The following TRAPPC9 variants were observed in gnomAD, a reference collection of about 807,000 sequenced individuals.
The protein encoded by TRAPPC9 is trafficking protein particle complex subunit 9, also known as IKK2 binding protein.
A neutral mutation model predicts 124.0 loss-of-function variants in TRAPPC9; 83 were observed. The ratio of observed to expected loss-of-function variants is 0.67; its 90% CI spans 0.56 to 0.80. TRAPPC9 has a LOEUF of 0.80. Ranked by LOEUF, TRAPPC9 falls within the 30% of genes least tolerant of loss-of-function variation. TRAPPC9 has a pLI of 0.00. For missense variants in TRAPPC9, 1,302 were observed against 1,508.3 expected (o/e 0.86, Z 2.27); for synonymous variants, 638 against 617.5 (o/e 1.03, Z -0.49).
At chr8:140,237,514 T>C (rs1336792577) in intron 16 of TRAPPC9, among the ~76,000 whole-genome samples, 1 of 151,938 alleles carries the variant, frequency 6.6e-6, no homozygotes, top group African/African-American at 2.4e-5. Flanking sequence ...TCTCCAAATT[T>C]AGGACTAGGA....
At chr8:140,096,866 T>G (rs1179886947) in intron 17 of TRAPPC9, 1 of 151,970 alleles carries the variant, frequency 6.6e-6, no homozygotes, top group African/African-American at 2.4e-5. Context: ...AGAGGAGGAC[T>G]AGGACAGGGA....
intron 8 of TRAPPC9, among the ~76,000 whole-genome samples, chr8:140,365,192 T>C (rs2068073582): frequency 6.6e-6 from 1 of 151,958 alleles, no homozygotes; most frequent in Admixed American, 6.6e-5. Context: ...AATTCAATCC[T>C]TACAACCTCT....
intron 6 of TRAPPC9, among the ~76,000 whole-genome samples, chr8:140,399,958 CT>C (rs1180615976): frequency 6.6e-6 from 1 of 152,170 alleles, no homozygotes; most frequent in Non-Finnish European, 1.5e-5. Flanking sequence ...TTCCCCCATA[CT>C]GTTCTTGTGG....
intron 11 of TRAPPC9, among the ~76,000 whole-genome samples, chr8:140,299,357 C>T (rs566337905): frequency 3.3e-5 from 5 of 152,052 alleles, no homozygotes; most frequent in Admixed American, 1.3e-4. Flanking sequence ...GGTGAGCTTG[C>T]GAGTGCAACA....
At chr8:140,229,684 A>G (rs976361271) in intron 16 of TRAPPC9, among the ~76,000 whole-genome samples, 1 of 151,992 alleles carries the variant, frequency 6.6e-6, no homozygotes, top group African/African-American at 2.4e-5. Context: ...TGGCCTCCCA[A>G]GTGGCTGCGA....
chr8:139,985,400 T>C (rs1837180056), intron 19 of TRAPPC9, among the ~76,000 whole-genome samples: 1 of 152,230 alleles, frequency 6.6e-6, no homozygotes, highest in South Asian at 2.1e-4. Flanking sequence ...CAGTTCCCTA[T>C]GCAGCAGCAC....
intron 17 of TRAPPC9, among the ~76,000 whole-genome samples, chr8:140,214,551 T>C (rs940452599): frequency 1.6e-4 from 25 of 152,362 alleles, no homozygotes; most frequent in Admixed American, 9.8e-4. Context: ...TCCAACCTTC[T>C]TTCTTTCCCC....
intron 19 of TRAPPC9, chr8:139,932,282 C>T (rs1376033001): frequency 2.2e-6 from 1 of 457,194 alleles, no homozygotes; most frequent in Non-Finnish European, 4.4e-6. Context: ...TCAGGGTAGC[C>T]ACCATGGGAG....
At chr8:139,836,903 T>G (rs928210536) in intron 21 of TRAPPC9, among the ~76,000 whole-genome samples, 4 of 151,930 alleles carry the variant, frequency 2.6e-5, no homozygotes, top group African/African-American at 9.7e-5. Context: ...CAGAAAGGCT[T>G]GATGTGAACG....
chr8:140,383,690 G>C (rs1188895826), intron 7 of TRAPPC9, among the ~76,000 whole-genome samples: 1 of 152,182 alleles, frequency 6.6e-6, no homozygotes, highest in East Asian at 1.9e-4. Context: ...CGTTTGATTG[G>C]TGTACCTGAA....
At position 140,037,909 on chromosome 8, in the gene TRAPPC9, CA is replaced by C. The variant is rs1461712203; in HGVS notation, c.2557-13831del. Among the ~76,000 whole-genome samples the C allele has an allele frequency of 8.1e-4, 116 of 142,694 alleles. 1 individual carries two copies. The highest frequency in any genetic ancestry group is 2.6e-3 in the African/African-American group (106 of 40,308). 93.6% of individuals were successfully genotyped at this position (142,694 alleles called of 152,430 possible). A position where few individuals can be genotyped will look rare whatever the true frequency, so the allele number is the denominator to read the frequency against. The stretch of plus-strand genomic sequence containing the variant: ...ACACACACACACACACACACACACA[CA>C]CCCCAGAGCTTCCCTCGTGCTGCAT... On this transcript the variant is annotated intron_variant, in intron 17 of 22. Coordinates refer to ENST00000438773, the MANE Select transcript of TRAPPC9 (RefSeq NM_001160372.4).
chr8:140,236,618 C>T (rs1273258648), intron 16 of TRAPPC9, among the ~76,000 whole-genome samples: 1 of 151,992 alleles, frequency 6.6e-6, no homozygotes, highest in African/African-American at 2.4e-5. Flanking sequence ...GTAAGTTACA[C>T]TTCCATAAAA....
At chr8:139,734,306 C>T (rs1033214216) in intron 21 of TRAPPC9, among the ~76,000 whole-genome samples, 7 of 152,310 alleles carry the variant, frequency 4.6e-5, no homozygotes, top group Middle Eastern at 3.4e-3. Context: ...CCAGTGCGTC[C>T]TTATTTTCTC....
At chr8:139,803,782 G>GT (rs1212969264) in intron 21 of TRAPPC9, among the ~76,000 whole-genome samples, 1 of 152,194 alleles carries the variant, frequency 6.6e-6, no homozygotes, top group Non-Finnish European at 1.5e-5. Flanking sequence ...ACGCTGTCTA[G>GT]TTTCTTTTCT....
intron 17 of TRAPPC9, among the ~76,000 whole-genome samples, chr8:140,218,765 GC>G (rs538909145): frequency 6.6e-6 from 1 of 152,076 alleles, no homozygotes; most frequent in Non-Finnish European, 1.5e-5. Context: ...TTCGAGACCA[GC>G]CTGGTCAACA....
intron 21 of TRAPPC9, among the ~76,000 whole-genome samples, chr8:139,746,602 T>C (rs1278125373): frequency 6.6e-6 from 1 of 152,216 alleles, no homozygotes; most frequent in Non-Finnish European, 1.5e-5. Context: ...CTGTGGAGCC[T>C]GGGTCCCCAG....
intron 17 of TRAPPC9, among the ~76,000 whole-genome samples, chr8:140,192,249 C>T (rs1366790699): frequency 2.0e-5 from 3 of 152,166 alleles, no homozygotes; most frequent in Admixed American, 6.5e-5. Flanking sequence ...GAAAGGGTTT[C>T]GGAAAGTTAA....
At chr8:140,357,643 A>C (rs559987091) in intron 9 of TRAPPC9, among the ~76,000 whole-genome samples, 69 of 152,034 alleles carry the variant, frequency 4.5e-4, no homozygotes, top group African/African-American at 1.4e-3. Flanking sequence ...GCAAACATTC[A>C]CTCGAGCAGG....
chr8:139,789,782 G>A (rs533979478), intron 21 of TRAPPC9, among the ~76,000 whole-genome samples: 186 of 152,196 alleles, frequency 1.2e-3, no homozygotes, highest in Non-Finnish European at 2.2e-3. Context: ...TAGGAAAACC[G>A]AGAGAATCAT....
Sources: gnomAD v4.1 joint callset for allele counts (sites outside exome capture counted in the v4.1 genomes callset) on GRCh38, gnomAD v4.1.1 for gene constraint, MANE v1.5 for transcripts, NCBI Gene and HGNC (gene_info 2026-07-23, HGNC 2026-07-21) for gene names.